MAPK10: variants seen among roughly 807,000 people sequenced by gnomAD.
The protein encoded by MAPK10 is JNK3 alpha protein kinase.
Under a neutral mutation model 59.3 loss-of-function variants are expected in MAPK10, and 25 were observed. The ratio of observed to expected loss-of-function variants is 0.42; its 90% CI spans 0.31 to 0.59. MAPK10 has a LOEUF of 0.59. MAPK10 is among the 20% of genes least tolerant of loss of function. The pLI, the probability that MAPK10 is intolerant of heterozygous loss-of-function variation, is 0.15. For synonymous variants in MAPK10, 190 were observed against 200.5 expected, an observed-to-expected ratio of 0.95 and a Z score of 0.44; for missense variants, 351 against 568.9, an observed-to-expected ratio of 0.62 and a Z score of 3.90.
chr4:86,201,758 C>T lies in MAPK10; in HGVS notation c.-6-7351G>A, dbSNP rs139438471. On this transcript the variant is annotated intron_variant, in intron 2 of 13. Transcript: ENST00000641462. The stretch of plus-strand genomic sequence containing the variant: ...GCTTGTTTTTGGCTTTGTGCCTATC[C>T]CCAGGTTCACAGAGATATTCTCCTA... 5.4e-4 allele frequency among the ~76,000 whole-genome samples: 81 copies of T among 151,188 alleles called. 2 individuals carry two copies. The East Asian group carries it at 0.014, about 26-fold the overall frequency.
At chr4:86,436,619 C>A (rs1200165814) in intron 1 of MAPK10, among the ~76,000 whole-genome samples, 2 of 152,068 alleles carry the variant, frequency 1.3e-5, no homozygotes, top group African/African-American at 2.4e-5. Flanking sequence ...TACCCAACAA[C>A]CTAGCTAAAT....
At chr4:86,579,213 G>C (rs536341905) in intron 1 of MAPK10, among the ~76,000 whole-genome samples, 1 of 152,212 alleles carries the variant, frequency 6.6e-6, no homozygotes, top group South Asian at 2.1e-4. Context: ...CTTAGCCTCA[G>C]AGAAAACAGA....
intron 1 of MAPK10, among the ~76,000 whole-genome samples, chr4:86,379,403 C>T (rs538981615): frequency 6.6e-6 from 1 of 152,298 alleles, no homozygotes; most frequent in South Asian, 2.1e-4. Flanking sequence ...TGTTACTGAA[C>T]TTCTTTTCTG....
intron 4 of MAPK10, among the ~76,000 whole-genome samples, chr4:86,136,880 T>C (rs1025241607): frequency 2.0e-5 from 3 of 152,054 alleles, no homozygotes; most frequent in African/African-American, 4.8e-5. Context: ...GCAGGGGTTG[T>C]AATCCTAGTC....
chr4:86,429,546 G>C (rs544374792), intron 1 of MAPK10: 3 of 152,266 alleles, frequency 2.0e-5, no homozygotes, highest in Admixed American at 1.3e-4. Context: ...GCTCATGCCT[G>C]TAATCCCAAC....
intron 9 of MAPK10, among the ~76,000 whole-genome samples, chr4:86,097,677 T>C (rs2149064313): frequency 6.6e-6 from 1 of 152,172 alleles, no homozygotes; most frequent in South Asian, 2.1e-4. Flanking sequence ...AAGTATATTA[T>C]ACTATTATAT....
intron 3 of MAPK10, chr4:86,176,029 T>A (rs2075618782): frequency 6.6e-6 from 1 of 152,172 alleles, no homozygotes; most frequent in African/African-American, 2.4e-5. Flanking sequence ...ACACTCCAGA[T>A]TAGAACTGGT....
intron 2 of MAPK10, among the ~76,000 whole-genome samples, chr4:86,297,149 G>A (rs1163867369): frequency 2.0e-5 from 3 of 152,170 alleles, no homozygotes; most frequent in Non-Finnish European, 4.4e-5. Context: ...AATCAGGGAT[G>A]TATTTTCAAG....
chr4:86,014,187 C>A lies in MAPK10; in HGVS notation c.*3041G>T, dbSNP rs935809260. The A allele has an allele frequency of 6.6e-6, 1 of 152,124 alleles. No homozygotes were observed. Among genetic ancestry groups the A allele is most frequent in the Non-Finnish European group, 1.5e-5 (1 of 68,028 alleles). 9.4% of individuals were successfully genotyped at this position (152,124 alleles called of 1,614,324 possible). A position where few individuals can be genotyped will look rare whatever the true frequency, so the allele number is the denominator to read the frequency against. ...TCATGTTCCAAAATGAGCCCCAACC[C>A]CAGGTAGAACCTTCACTTTTTTTCA... On this transcript the variant is annotated 3_prime_UTR_variant, in exon 14 of 14. Coordinates refer to ENST00000641462, the MANE Select transcript of MAPK10 (RefSeq NM_138982.4).
intron 2 of MAPK10, among the ~76,000 whole-genome samples, chr4:86,260,802 A>C (rs1234058088): frequency 6.6e-6 from 1 of 152,136 alleles, no homozygotes; most frequent in Non-Finnish European, 1.5e-5. Flanking sequence ...GTCCACTATA[A>C]TATGAATTAT....
At chr4:86,239,382 C>A (rs1205810929) in intron 2 of MAPK10, among the ~76,000 whole-genome samples, 1 of 152,092 alleles carries the variant, frequency 6.6e-6, no homozygotes, top group Non-Finnish European at 1.5e-5. Context: ...AGGGAAGAGT[C>A]CCTCCTTTTC....
At chr4:86,295,316 C>T (rs1373824536) in intron 2 of MAPK10, among the ~76,000 whole-genome samples, 1 of 152,124 alleles carries the variant, frequency 6.6e-6, no homozygotes, top group African/African-American at 2.4e-5. Context: ...CAAATGTCCC[C>T]TTTTCAGTGA....
intron 1 of MAPK10, among the ~76,000 whole-genome samples, chr4:86,584,064 T>C (rs1484238547): frequency 6.6e-6 from 1 of 152,152 alleles, no homozygotes; most frequent in African/African-American, 2.4e-5. Context: ...CATGCATGGG[T>C]GTATGTAGGG....
chr4:86,241,596 C>A (rs879174902), intron 2 of MAPK10, among the ~76,000 whole-genome samples: 2 of 152,032 alleles, frequency 1.3e-5, no homozygotes, highest in African/African-American at 4.8e-5. Context: ...ACTCTGATAT[C>A]CTTTCTTCCA....
At chr4:86,089,225 C>G in intron 9 of MAPK10, 1 of 1,612,742 alleles carries the variant, frequency 6.2e-7, no homozygotes, top group Non-Finnish European at 8.5e-7. Flanking sequence ...CAGGAAACAG[C>G]ACTGCACCTT....
intron 1 of MAPK10, among the ~76,000 whole-genome samples, chr4:86,365,955 T>C (rs1009646670): frequency 6.6e-6 from 1 of 152,210 alleles, no homozygotes; most frequent in Non-Finnish European, 1.5e-5. Flanking sequence ...TCTATTTATT[T>C]AATGGCATGT....
intron 1 of MAPK10, among the ~76,000 whole-genome samples, chr4:86,506,773 C>T (rs1034876304): frequency 2.0e-5 from 3 of 152,078 alleles, no homozygotes; most frequent in South Asian, 4.2e-4. Context: ...TAAAAACCAA[C>T]CACAACAATC....
chr4:86,356,136 T>C (rs928224072), intron 1 of MAPK10, among the ~76,000 whole-genome samples: 5 of 152,140 alleles, frequency 3.3e-5, no homozygotes, highest in Admixed American at 2.0e-4. Flanking sequence ...AAATGCCCAA[T>C]TGCCTTATAG....
intron 1 of MAPK10, among the ~76,000 whole-genome samples, chr4:86,450,599 G>T (rs571193974): frequency 6.6e-6 from 1 of 152,226 alleles, no homozygotes; most frequent in Non-Finnish European, 1.5e-5. Context: ...GAATTTTAGT[G>T]CTTTTCTTTT....
Sources: allele counts gnomAD v4.1 joint callset (sites outside exome capture counted in the v4.1 genomes callset), GRCh38; gene constraint gnomAD v4.1.1; transcripts MANE v1.5; gene names NCBI Gene and HGNC (gene_info 2026-07-23, HGNC 2026-07-21).